Variants in MTUS2 observed in about 807,000 individuals in gnomAD.
MTUS2 encodes microtubule associated scaffold protein 2, also known as microtubule-associated tumor suppressor candidate 2.
Under a neutral mutation model 114.1 loss-of-function variants are expected in MTUS2, and 40 were observed. The observed-to-expected ratio is 0.35, with a 90% confidence interval of 0.27 to 0.46. MTUS2 has a LOEUF of 0.46. Ranked by LOEUF, MTUS2 falls within the 20% of genes least tolerant of loss-of-function variation. MTUS2 has a pLI of 1.00. For synonymous variants in MTUS2, 688 were observed against 672.0 expected, an observed-to-expected ratio of 1.02 and a Z score of -0.37; for missense variants, 1,679 against 1,705.4, an observed-to-expected ratio of 0.98 and a Z score of 0.27.
intron 2 of MTUS2, among the ~76,000 whole-genome samples, chr13:28,861,428 T>G (rs1389386150): frequency 1.6e-5 from 2 of 125,946 alleles, no homozygotes; most frequent in East Asian, 4.3e-4. Context: ...CTTCTGAGCC[T>G]CTGTTTTTTT....
At chr13:29,262,546 A>G (rs1897514079) in intron 5 of MTUS2, among the ~76,000 whole-genome samples, 1 of 150,866 alleles carries the variant, frequency 6.6e-6, no homozygotes, top group South Asian at 2.1e-4. Flanking sequence ...GTTCCCCCCT[A>G]TAATGATTAA....
intron 5 of MTUS2, among the ~76,000 whole-genome samples, chr13:29,135,843 T>C (rs914477849): frequency 2.6e-5 from 4 of 152,220 alleles, no homozygotes; most frequent in African/African-American, 4.8e-5. Flanking sequence ...CTTTCTGTTG[T>C]TGATGTTACA....
intron 7 of MTUS2, among the ~76,000 whole-genome samples, chr13:29,325,505 AG>A (rs1566131966): frequency 0.033 from 4,688 of 141,386 alleles, 277 homozygotes; most frequent in African/African-American, 0.11. Context: ...GAGGAGGAGG[AG>A]GAGAAGGAGG....
In MTUS2 at chr13:29,492,688, A is replaced by C; in HGVS notation, c.3548A>C (p.Glu1183Ala). 1 of 1,613,796 alleles carries C rather than the reference A, an allele frequency of 6.2e-7. No homozygotes were observed. ...THELEKKELE[E>A]NFEKLRLSLQ... is the part of the protein sequence containing the mutation. ...GAGCTTGAAAAGAAAGAATTGGAAGAAAATTTTGAAAAACTGCGGCTGTCA... is the reference window on the plus strand; with the variant it reads ...GAGCTTGAAAAGAAAGAATTGGAAGCAAATTTTGAAAAACTGCGGCTGTCA... The change falls in exon 12 of 16, where the codon GAA (glutamate) becomes GCA (alanine). Residue 1183 changes from glutamate (E) to alanine (A), a missense_variant. Glu to Ala is a moderately radical substitution (Grantham distance 107). Transcript: ENST00000612955.
At chr13:29,210,589 G>A (rs1174914367) in intron 5 of MTUS2, among the ~76,000 whole-genome samples, 1 of 152,172 alleles carries the variant, frequency 6.6e-6, no homozygotes, top group African/African-American at 2.4e-5. Flanking sequence ...CTCAAGGGCT[G>A]TTGTTCAGAT....
intron 7 of MTUS2, among the ~76,000 whole-genome samples, chr13:29,353,131 G>A (rs1246856246): frequency 2.6e-5 from 4 of 152,112 alleles, no homozygotes; most frequent in Non-Finnish European, 5.9e-5. Context: ...TTAGATGACA[G>A]GCATTATGAA....
At chr13:29,366,879 T>A (rs1449662110) in intron 8 of MTUS2, among the ~76,000 whole-genome samples, 1 of 152,050 alleles carries the variant, frequency 6.6e-6, no homozygotes, top group African/African-American at 2.4e-5. Flanking sequence ...TGGAGTACCT[T>A]CTTATGTGGG....
chr13:28,839,761 A>G lies in MTUS2; in HGVS notation c.-315-17A>G, dbSNP rs1230631591. ...TCTTTCTCCTTCTAAATTTTCCTGT[A>G]TCTTTTTCTTTTTAAGGTTTCCACA... On this transcript the variant is annotated splice_polypyrimidine_tract_variant and intron_variant, in intron 1 of 15. Coordinates refer to ENST00000612955, the MANE Select transcript of MTUS2 (RefSeq NM_001033602.4). 6.6e-6 allele frequency: 1 copy of G among 152,120 alleles called. No homozygotes were observed. The highest frequency in any genetic ancestry group is 1.5e-5 in the Non-Finnish European group (1 of 68,002). 9.4% of individuals were successfully genotyped at this position (152,120 alleles called of 1,614,324 possible).
At chr13:29,105,621 TAA>T (rs67540838) in intron 5 of MTUS2, among the ~76,000 whole-genome samples, 14 of 147,358 alleles carry the variant, frequency 9.5e-5, no homozygotes, top group East Asian at 2.0e-4. Flanking sequence ...AAAAAACAAG[TAA>T]AAAAAAAATT....
At chr13:28,924,818 G>A (rs1404235710) in intron 2 of MTUS2, among the ~76,000 whole-genome samples, 1 of 152,146 alleles carries the variant, frequency 6.6e-6, no homozygotes, top group Non-Finnish European at 1.5e-5. Context: ...AAAAGGAATG[G>A]AAAAAGTGTG....
At chr13:28,905,991 A>G (rs1019200850) in intron 2 of MTUS2, among the ~76,000 whole-genome samples, 1 of 151,500 alleles carries the variant, frequency 6.6e-6, no homozygotes, top group South Asian at 2.1e-4. Flanking sequence ...GGGAGGGTGT[A>G]TGTGTCGAGG....
intron 4 of MTUS2, among the ~76,000 whole-genome samples, chr13:29,036,706 A>G (rs1232944826): frequency 6.6e-6 from 1 of 152,162 alleles, no homozygotes; most frequent in Non-Finnish European, 1.5e-5. Flanking sequence ...TTAGGTGCAT[A>G]TATATTTAGG....
At chr13:29,071,136 C>A (rs1888904610) in intron 4 of MTUS2, among the ~76,000 whole-genome samples, 2 of 151,552 alleles carry the variant, frequency 1.3e-5, no homozygotes, top group Non-Finnish European at 2.9e-5. Flanking sequence ...TCCTGAGTAG[C>A]TGGGACTACA....
Position 29,024,597 on chromosome 13 carries a change from C to A in MTUS2, c.-102C>A. 5.7e-6 allele frequency: 8 copies of A among 1,414,096 alleles called. No homozygotes were observed. Among genetic ancestry groups the A allele is most frequent in the Middle Eastern group, 2.0e-4 (1 of 5,052 alleles). The allele number at this position is 1,414,096 out of a possible 1,614,324, so 87.6% of individuals were successfully genotyped here. A position where few individuals can be genotyped will look rare whatever the true frequency, so the allele number is the denominator to read the frequency against. On this transcript the variant is annotated 5_prime_UTR_variant, in exon 3 of 16. Coordinates refer to ENST00000612955, the MANE Select transcript of MTUS2 (RefSeq NM_001033602.4). ...GCAAGGTGACATTGTCAGGGGAGAA[C>A]AAGCAGCTTGAGAATTTCCTCTTAA...
At position 29,013,310 on chromosome 13, in the gene MTUS2, G is replaced by A. The variant is rs1043397580; in HGVS notation, c.-242-11147G>A. ...TGGCTTTTCAAACCTGTCTCATGAA[G>A]CAATGGCAGAGAATTTGTCACCGAC... On this transcript the variant is annotated intron_variant, in intron 2 of 15. Coordinates refer to ENST00000612955, the MANE Select transcript of MTUS2 (RefSeq NM_001033602.4). Among the ~76,000 whole-genome samples the A allele has an allele frequency of 3.3e-5, 5 of 152,092 alleles. No individual in the cohort carries two copies. The East Asian group carries it at 9.7e-4, about 29-fold the overall frequency.
At chr13:29,092,617 G>A (rs982848405) in intron 4 of MTUS2, among the ~76,000 whole-genome samples, 2 of 152,160 alleles carry the variant, frequency 1.3e-5, no homozygotes, top group African/African-American at 4.8e-5. Flanking sequence ...TGGCCCAGTT[G>A]TAGGCTGAGC....
At chr13:29,371,216 CCA>C (rs1317975040) in intron 8 of MTUS2, among the ~76,000 whole-genome samples, 3,608 of 77,246 alleles carry the variant, frequency 0.047, 170 homozygotes, top group African/African-American at 0.19. Flanking sequence ...TTCACATTAA[CCA>C]CCCCCCCCCC....
intron 8 of MTUS2, among the ~76,000 whole-genome samples, chr13:29,365,778 C>A (rs1012312774): frequency 2.2e-4 from 34 of 152,154 alleles, no homozygotes; most frequent in African/African-American, 8.0e-4. Flanking sequence ...TCCCACTCAA[C>A]CTTTCTAGAC....
chr13:29,355,670 A>C (rs138226108), intron 7 of MTUS2, among the ~76,000 whole-genome samples: 58 of 152,368 alleles, frequency 3.8e-4, no homozygotes, highest in African/African-American at 1.2e-3. Flanking sequence ...GAAGGTGTCA[A>C]ATGTTTTTGT....
Sources: gnomAD v4.1 joint callset for allele counts (sites outside exome capture counted in the v4.1 genomes callset) on GRCh38, gnomAD v4.1.1 for gene constraint, MANE v1.5 for transcripts, NCBI Gene and HGNC (gene_info 2026-07-23, HGNC 2026-07-21) for gene names.